Variants in DENND2C observed in about 807,000 individuals in gnomAD.
DENND2C encodes DENN domain-containing protein 2C.
Under a neutral mutation model 112.4 loss-of-function variants are expected in DENND2C, and 72 were observed. That is an observed-to-expected ratio of 0.64 (90% CI 0.53 to 0.78). DENND2C has a LOEUF of 0.78. DENND2C is among the 30% of genes least tolerant of loss of function. The pLI is 0.00. For synonymous variants in DENND2C, 329 were observed against 381.6 expected, an observed-to-expected ratio of 0.86 and a Z score of 1.61; for missense variants, 992 against 1,113.8, an observed-to-expected ratio of 0.89 and a Z score of 1.56.
chr1:114,667,097 C>T (rs1036297314), intron 1 of DENND2C, among the ~76,000 whole-genome samples: 1 of 152,166 alleles, frequency 6.6e-6, no homozygotes, highest in Non-Finnish European at 1.5e-5. Context: ...GCACACTTAT[C>T]CCTGGTTTTC....
At chr1:114,633,019 CTT>C (rs536635939) in intron 3 of DENND2C, among the ~76,000 whole-genome samples, 1,599 of 152,034 alleles carry the variant, frequency 0.011, 10 homozygotes, top group Non-Finnish European at 0.018. Flanking sequence ...TAGAAGATGA[CTT>C]GACTAAAGTA....
At chr1:114,641,155 G>A (rs1353868342) in intron 3 of DENND2C, among the ~76,000 whole-genome samples, 1 of 151,568 alleles carries the variant, frequency 6.6e-6, no homozygotes, top group Non-Finnish European at 1.5e-5. Flanking sequence ...CTTTGGCCGG[G>A]CATGGTAGCT....
intron 3 of DENND2C, among the ~76,000 whole-genome samples, chr1:114,629,670 G>A (rs1348295755): frequency 6.6e-6 from 1 of 152,056 alleles, no homozygotes; most frequent in African/African-American, 2.4e-5. Context: ...GCTCTTCTGT[G>A]TATTTATTTT....
chr1:114,631,994 T>A (rs1419954850), intron 3 of DENND2C, among the ~76,000 whole-genome samples: 1 of 152,070 alleles, frequency 6.6e-6, no homozygotes, highest in Non-Finnish European at 1.5e-5. Context: ...AAATATACTA[T>A]CTGAAATGAA....
intron 1 of DENND2C, among the ~76,000 whole-genome samples, chr1:114,656,401 CTTT>C (rs776761733): frequency 2.2e-5 from 3 of 138,512 alleles, no homozygotes; most frequent in Non-Finnish European, 3.1e-5. Context: ...TTCTTTCTTT[CTTT>C]TTTTTTTTTT....
At chr1:114,609,945 G>C (rs770261942) in intron 9 of DENND2C, among the ~76,000 whole-genome samples, 2 of 152,152 alleles carry the variant, frequency 1.3e-5, no homozygotes, top group African/African-American at 2.4e-5. Flanking sequence ...CCCTAAATTA[G>C]TCATCTTCAC....
chr1:114,607,611 A>G (rs1202433361), intron 10 of DENND2C, among the ~76,000 whole-genome samples: 1 of 152,234 alleles, frequency 6.6e-6, no homozygotes, highest in African/African-American at 2.4e-5. Context: ...AGCTCTGTGA[A>G]ACAGAGACTA....
chr1:114,601,386 G>C, intron 13 of DENND2C, 122 bp downstream of exon 13: 2 of 908,494 alleles, frequency 2.2e-6, no homozygotes, highest in East Asian at 2.5e-5. Flanking sequence ...TAAGCCTTCA[G>C]GCACGTGGTT....
In DENND2C at chr1:114,587,739, T is replaced by G. The variant is rs1371085954; in HGVS notation, c.2645A>C (p.Glu882Ala). The G allele has an allele frequency of 5.0e-6, 8 of 1,612,024 alleles. No individual in the cohort carries two copies. In the South Asian group the frequency reaches 7.7e-5, roughly 16 times the overall value. The change falls in exon 19 of 21, where the codon GAG becomes GCG. Residue 882 changes from glutamate to alanine, a missense_variant. Glu to Ala is a moderately radical substitution (Grantham distance 107, BLOSUM62 -1). This residue lies in a region of DENND2C where 516 missense variants were observed against 623.6 expected (regional missense o/e 0.83). Transcript: ENST00000393274. ...QMFAGFIQDR[E>A]LRKSGVKGLF... Reference sequence around the variant, plus strand: ...ACCTTTAACTCCACTTTTCCGAAGCTCTCGGTCCTGGATGAATCCTGCAAA... The same window carrying G: ...ACCTTTAACTCCACTTTTCCGAAGCGCTCGGTCCTGGATGAATCCTGCAAA...
Position 114,601,573 on chromosome 1 carries a change from C to T in DENND2C, c.1750G>A (p.Gly584Arg), listed in dbSNP as rs1401544205. 4 of 1,612,504 alleles carry T rather than the reference C, an allele frequency of 2.5e-6. No homozygotes were observed. Among genetic ancestry groups the T allele is most frequent in the Non-Finnish European group, 3.4e-6 (4 of 1,179,424 alleles). ...CAGTATACCTCAGGGAGTCGCTTTC[C>T]TTTGCCTACTGGCTAAAAGATAAAA... The part of the protein sequence containing the change: ...YCKKLLPVGK[G>R]KRLPEVYCMV... The change falls in exon 13 of 21, where the codon GGA (glycine) becomes AGA (arginine). Residue 584 changes from glycine to arginine, a missense_variant. By Grantham distance (125) the Gly-to-Arg change is moderately radical. This residue lies in a region of DENND2C where 516 missense variants were observed against 623.6 expected (regional missense o/e 0.83). Coordinates refer to ENST00000393274, the MANE Select transcript of DENND2C (RefSeq NM_001256404.2).
intron 3 of DENND2C, among the ~76,000 whole-genome samples, chr1:114,631,171 T>G (rs1273112350): frequency 6.6e-6 from 1 of 150,880 alleles, no homozygotes; most frequent in African/African-American, 2.4e-5. Context: ...AGGTCAGAAG[T>G]TTGAGACCAG....
rs370402834 is a variant in DENND2C at position 114,663,212 on chromosome 1, C to T, written c.-574+6771G>A. On this transcript the variant is annotated intron_variant, in intron 1 of 20. Transcript: ENST00000393274. ...AAAGAGAATAAAATTCCATCCTGTCCAACCCTCTGGGAACCAGTGCAGAAT... is the reference window on the plus strand; with the variant it reads ...AAAGAGAATAAAATTCCATCCTGTCTAACCCTCTGGGAACCAGTGCAGAAT... Among the ~76,000 whole-genome samples, 53 of 152,264 alleles carry T rather than the reference C, an allele frequency of 3.5e-4. No individual in the cohort carries two copies. In the East Asian group the frequency reaches 0.01, roughly 29 times the overall value.
chr1:114,633,439 C>CAAAAAAAAA (rs780884019), intron 3 of DENND2C, among the ~76,000 whole-genome samples: 295 of 47,666 alleles, frequency 6.2e-3, no homozygotes, highest in East Asian at 0.011. Context: ...GACCCTATCT[C>CAAAAAAAAA]AAAAAAAAAA....
chr1:114,587,649 C>A, intron 19 of DENND2C, 67 bp downstream of exon 19: 1 of 1,458,246 alleles, frequency 6.9e-7, no homozygotes, highest in South Asian at 1.3e-5. Context: ...ACTTTTTATT[C>A]ATAATATAGT....
At chr1:114,650,863 T>C (rs1442855619) in intron 2 of DENND2C, among the ~76,000 whole-genome samples, 1 of 152,132 alleles carries the variant, frequency 6.6e-6, no homozygotes, top group Non-Finnish European at 1.5e-5. Flanking sequence ...TTTATCTCAT[T>C]TGACAATAAA....
At chr1:114,616,957 G>A (rs914508166) in intron 8 of DENND2C, among the ~76,000 whole-genome samples, 1 of 152,148 alleles carries the variant, frequency 6.6e-6, no homozygotes, top group Non-Finnish European at 1.5e-5. Flanking sequence ...GGAGGCAAAA[G>A]GCACTTCTTA....
chr1:114,629,016 C>T (rs1656419674), intron 3 of DENND2C, among the ~76,000 whole-genome samples: 1 of 152,226 alleles, frequency 6.6e-6, no homozygotes, highest in Non-Finnish European at 1.5e-5. Context: ...CTCAAGCTTG[C>T]TTTAACAGTT....
At chr1:114,659,640 T>C (rs1394606867) in intron 1 of DENND2C, among the ~76,000 whole-genome samples, 1 of 152,232 alleles carries the variant, frequency 6.6e-6, no homozygotes, top group East Asian at 1.9e-4. Flanking sequence ...TCAAAGGTAG[T>C]TCACTAGACT....
At chr1:114,607,590 C>T (rs543363031) in intron 10 of DENND2C, among the ~76,000 whole-genome samples, 2 of 152,310 alleles carry the variant, frequency 1.3e-5, no homozygotes, top group South Asian at 4.1e-4. Context: ...AACTGGTTCA[C>T]AGGCTCAATA....
Sources: allele counts gnomAD v4.1 joint callset (sites outside exome capture counted in the v4.1 genomes callset), GRCh38; gene constraint gnomAD v4.1.1; regional missense constraint gnomAD v4.1.1; transcripts MANE v1.5; gene names NCBI Gene and HGNC (gene_info 2026-07-23, HGNC 2026-07-21).